ARID4B: variants seen among roughly 807,000 people sequenced by gnomAD.
ARID4B encodes the protein AT-rich interaction domain 4B, also known as AT-rich interactive domain-containing protein 4B.
In ARID4B, 26 loss-of-function variants were observed where a neutral mutation model predicts 147.5. The ratio of observed to expected loss-of-function variants is 0.18; its 90% CI spans 0.13 to 0.24. The LOEUF is 0.24. Ranked by LOEUF, ARID4B falls within the 10% of genes least tolerant of loss-of-function variation. ARID4B has a pLI of 1.00. For synonymous variants in ARID4B, 512 were observed against 507.9 expected (o/e 1.01, Z -0.11); for missense variants, 1,179 against 1,511.5 (o/e 0.78, Z 3.65).
intron 13 of ARID4B, 93 bp downstream of exon 13, chr1:235,223,073 T>C: frequency 1.2e-6 from 1 of 826,466 alleles, no homozygotes; most frequent in Non-Finnish European, 1.9e-6. Flanking sequence ...AAAAACTTTG[T>C]TTTGTTGTTT....
At chr1:235,316,237 G>A (rs1258498998) in intron 2 of ARID4B, among the ~76,000 whole-genome samples, 1 of 152,204 alleles carries the variant, frequency 6.6e-6, no homozygotes, top group Non-Finnish European at 1.5e-5. Flanking sequence ...GTGGGGTGCA[G>A]TGGCTCACAC....
At chr1:235,294,366 G>A (rs1170128806) in intron 2 of ARID4B, among the ~76,000 whole-genome samples, 11 of 135,276 alleles carry the variant, frequency 8.1e-5, no homozygotes, top group South Asian at 2.5e-4. Context: ...AGGCTGGAGT[G>A]CAGAGGTGTG....
chr1:235,223,104 G>A, intron 13 of ARID4B, 62 bp downstream of exon 13: 1 of 1,093,598 alleles, frequency 9.1e-7, no homozygotes, highest in Middle Eastern at 2.0e-4. Flanking sequence ...TTTCAGAGAT[G>A]GCAGATACCT....
Position 235,328,067 on chromosome 1 carries a change from C to T in ARID4B, c.-348G>A, listed in dbSNP as rs368044621. On this transcript the variant is annotated 5_prime_UTR_variant, in exon 1 of 24. Transcript: ENST00000264183. ...CGGCGGCGATGGACCCTCTGCAGCTCCCTCCGGGCAAAGGTCCAGGCGGTG... is the reference window on the plus strand; with the variant it reads ...CGGCGGCGATGGACCCTCTGCAGCTTCCTCCGGGCAAAGGTCCAGGCGGTG... The T allele has an allele frequency of 1.3e-5, 2 of 153,158 alleles. No homozygotes were observed. Among genetic ancestry groups the T allele is most frequent in the South Asian group, 2.1e-4 (1 of 4,864 alleles). The allele number at this position is 153,158 out of a possible 1,614,324, so 9.5% of individuals were successfully genotyped here.
chr1:235,270,080 G>A (rs1043681631), intron 2 of ARID4B, among the ~76,000 whole-genome samples: 1 of 152,050 alleles, frequency 6.6e-6, no homozygotes, highest in East Asian at 1.9e-4. Flanking sequence ...TCAGGAGATC[G>A]AGACCATCTT....
chr1:235,197,468 C>T (rs774191059), intron 17 of ARID4B, among the ~76,000 whole-genome samples: 1 of 152,228 alleles, frequency 6.6e-6, no homozygotes, highest in Non-Finnish European at 1.5e-5. Flanking sequence ...GTACAAACTA[C>T]TGGCTTGTAG....
chr1:235,308,958 C>G (rs953045759), intron 2 of ARID4B, among the ~76,000 whole-genome samples: 47 of 150,738 alleles, frequency 3.1e-4, no homozygotes, highest in African/African-American at 1.1e-3. Flanking sequence ...GTGAGGAGCC[C>G]CTCTGCCTGG....
chr1:235,201,704 C>T (rs926066758), intron 17 of ARID4B, among the ~76,000 whole-genome samples: 38 of 151,814 alleles, frequency 2.5e-4, no homozygotes, highest in African/African-American at 9.2e-4. Flanking sequence ...GCTAACATGG[C>T]GAAACCCCAT....
chr1:235,221,544 A>T lies in ARID4B; in HGVS notation c.1163+21T>A, dbSNP rs369632988. 4.5e-6 allele frequency: 6 copies of T among 1,335,354 alleles called. No homozygotes were observed. In the South Asian group the frequency reaches 6.2e-5, roughly 14 times the overall value. 82.7% of individuals were successfully genotyped at this position (1,335,354 alleles called of 1,614,324 possible). A position where few individuals can be genotyped will look rare whatever the true frequency, so the allele number is the denominator to read the frequency against. On this transcript the variant is annotated intron_variant, in intron 14 of 23. Coordinates refer to ENST00000264183, the MANE Select transcript of ARID4B (RefSeq NM_016374.6). ...CTAGGTAAAAATACTGAAGATAATC[A>T]TATCAATTATACTAACTTACTTTTT... is the stretch of plus-strand genomic sequence containing the variant.
At chr1:235,264,167 T>C (rs1306583935) in intron 2 of ARID4B, among the ~76,000 whole-genome samples, 1 of 152,216 alleles carries the variant, frequency 6.6e-6, no homozygotes, top group South Asian at 2.1e-4. Flanking sequence ...GTAAGTTACT[T>C]TTCTGTTCCT....
At chr1:235,286,777 A>G (rs1192688499) in intron 2 of ARID4B, among the ~76,000 whole-genome samples, 2 of 152,248 alleles carry the variant, frequency 1.3e-5, no homozygotes, top group Non-Finnish European at 2.9e-5. Context: ...GTCTTAGATC[A>G]CTGTGGCTGC....
intron 2 of ARID4B, among the ~76,000 whole-genome samples, chr1:235,326,162 A>G (rs1008188483): frequency 1.2e-4 from 18 of 152,244 alleles, no homozygotes; most frequent in African/African-American, 4.3e-4. Context: ...AAAAAAAAAA[A>G]GACAGCATTC....
At chr1:235,230,139 A>G (rs1417480321) in intron 10 of ARID4B, among the ~76,000 whole-genome samples, 1 of 151,988 alleles carries the variant, frequency 6.6e-6, no homozygotes, top group African/African-American at 2.4e-5. Context: ...TTCCTCAGTC[A>G]GGCGTGATGG....
intron 2 of ARID4B, among the ~76,000 whole-genome samples, chr1:235,324,031 G>T (rs377579112): frequency 6.6e-6 from 1 of 151,464 alleles, no homozygotes; most frequent in Non-Finnish European, 1.5e-5. Flanking sequence ...TCAGCCTTCC[G>T]AATAGCTGGG....
chr1:235,196,007 TGTGTA>T lies in ARID4B; in HGVS notation c.1926+19_1926+23del. The T allele has an allele frequency of 7.1e-7, 1 of 1,416,188 alleles. No homozygotes were observed. The highest frequency in any genetic ancestry group is 9.9e-7 in the Non-Finnish European group (1 of 1,011,294). The allele number at this position is 1,416,188 out of a possible 1,614,324, so 87.7% of individuals were successfully genotyped here. A position where few individuals can be genotyped will look rare whatever the true frequency, so the allele number is the denominator to read the frequency against. ...AAAACTTCTTTTTAAGAGCTAATAG[TGTGTA>T]GTAAAAACAAGCACTTACCTTTATT... On this transcript the variant is annotated intron_variant, in intron 18 of 23. Transcript: ENST00000264183.
At position 235,214,147 on chromosome 1, in the gene ARID4B, T is replaced by C. The variant is rs763696056; in HGVS notation, c.1584-121A>G. 2.1e-4 allele frequency: 253 copies of C among 1,221,452 alleles called. 1 individual carries two copies. The highest frequency in any genetic ancestry group is 1.3e-4 in the Non-Finnish European group (115 of 905,488). The allele number at this position is 1,221,452 out of a possible 1,614,324, so 75.7% of individuals were successfully genotyped here. A position where few individuals can be genotyped will look rare whatever the true frequency, so the allele number is the denominator to read the frequency against. Reference sequence around the variant, plus strand: ...TGTTCCAGGAAAAGCAGGTTCCACGTGTATGAAATTCTCAGAGTTTCATTT... The same window carrying C: ...TGTTCCAGGAAAAGCAGGTTCCACGCGTATGAAATTCTCAGAGTTTCATTT... On this transcript the variant is annotated intron_variant, in intron 16 of 23. Transcript: ENST00000264183.
At chr1:235,229,187 A>G (rs1187272564) in intron 11 of ARID4B, 44 bp downstream of exon 11, 13 of 1,587,304 alleles carry the variant, frequency 8.2e-6, no homozygotes, top group Non-Finnish European at 1.7e-6. Context: ...GGGAAACCCA[A>G]CTGTTATTTA....
At chr1:235,177,490 T>C (rs1031267580) in intron 21 of ARID4B, 1 of 179,424 alleles carries the variant, frequency 5.6e-6, no homozygotes, top group African/African-American at 2.4e-5. Flanking sequence ...CTTTTTATTA[T>C]TATACTTTAA....
intron 2 of ARID4B, among the ~76,000 whole-genome samples, chr1:235,271,438 T>C (rs1261018875): frequency 6.6e-6 from 1 of 151,906 alleles, no homozygotes; most frequent in Admixed American, 6.6e-5. Flanking sequence ...GAGTCCAGCC[T>C]GGCCAACATG....
Sources: gnomAD v4.1 joint callset for allele counts (sites outside exome capture counted in the v4.1 genomes callset) on GRCh38, gnomAD v4.1.1 for gene constraint, MANE v1.5 for transcripts, NCBI Gene and HGNC (gene_info 2026-07-23, HGNC 2026-07-21) for gene names.